DMD: variants seen among roughly 807,000 people sequenced by gnomAD.
DMD encodes the protein dystrophin.
Under a neutral mutation model 330.1 loss-of-function variants are expected in DMD, and 63 were observed. The observed-to-expected ratio is 0.19, with a 90% CI of 0.16 to 0.24. The LOEUF is 0.24. Among genes scored for constraint, DMD ranks in the 10% least tolerant of loss-of-function variants. The pLI is 1.00. For synonymous variants in DMD, 1,223 were observed against 959.8 expected (o/e 1.27, Z -5.07); for missense variants, 3,344 against 2,684.1 (o/e 1.25, Z -5.43).
intron 63 of DMD, among the ~76,000 whole-genome samples, chrX:31,255,644 G>T (rs1448083523): frequency 9.0e-6 from 1 of 110,893 alleles, no homozygotes; most frequent in Non-Finnish European, 1.9e-5. Flanking sequence ...CCACTTGTCT[G>T]CAGAGTTAGC....
At chrX:32,488,387 A>G (rs956729550) in intron 20 of DMD, among the ~76,000 whole-genome samples, 12 of 111,317 alleles carry the variant, frequency 1.1e-4, no homozygotes, top group African/African-American at 3.9e-4. Context: ...AACCCCCACA[A>G]TATTAAAAAC....
At chrX:32,201,487 A>C in intron 44 of DMD, among the ~76,000 whole-genome samples, 3 of 80,144 alleles carry the variant, frequency 3.7e-5, no homozygotes, top group African/African-American at 4.5e-5. Context: ...CCCCCCCAAC[A>C]AGGAGGCCAT....
At chrX:31,961,137 T>A (rs921781482) in intron 45 of DMD, among the ~76,000 whole-genome samples, 1 of 112,130 alleles carries the variant, frequency 8.9e-6, no homozygotes, top group East Asian at 2.8e-4. Context: ...CTAAATAAAT[T>A]GAAGTTACTT....
chrX:32,827,200 G>T (rs1264369343), intron 4 of DMD, among the ~76,000 whole-genome samples: 3 of 109,618 alleles, frequency 2.7e-5, no homozygotes, highest in African/African-American at 1.0e-4. Context: ...AGCCCAAGGG[G>T]TAAGAAAAAG....
At chrX:32,715,469 CAAAAAAAAAAA>C (rs61325834) in intron 7 of DMD, among the ~76,000 whole-genome samples, 134 of 17,226 alleles carry the variant, frequency 7.8e-3, no homozygotes, top group Non-Finnish European at 0.013. Context: ...GAGATTCCAT[CAAAAAAAAAAA>C]AAAAAAAAAA....
intron 60 of DMD, among the ~76,000 whole-genome samples, chrX:31,376,088 C>T (rs1023935392): frequency 1.8e-5 from 2 of 111,908 alleles, no homozygotes; most frequent in East Asian, 2.8e-4. Context: ...CTAATCTCCA[C>T]ACATCTCTTT....
intron 44 of DMD, among the ~76,000 whole-genome samples, chrX:32,036,852 AT>A (rs1173101234): frequency 3.6e-5 from 4 of 111,608 alleles, no homozygotes; most frequent in African/African-American, 6.5e-5. Flanking sequence ...GTAGAGTCAT[AT>A]AAGCAAGGAA....
chrX:33,113,132 C>T (rs182606678), intron 1 of DMD, among the ~76,000 whole-genome samples: 1 of 103,142 alleles, frequency 9.7e-6, no homozygotes, highest in African/African-American at 3.6e-5. Flanking sequence ...CGGCTCACTG[C>T]GACCTCTGCC....
chrX:32,540,216 G>C (rs959321166), intron 17 of DMD, among the ~76,000 whole-genome samples: 11 of 110,959 alleles, frequency 9.9e-5, no homozygotes, highest in African/African-American at 3.6e-4. Context: ...AATTACCTAC[G>C]TGTACAATAA....
At chrX:32,836,295 G>C (rs1388119987) in intron 4 of DMD, among the ~76,000 whole-genome samples, 1 of 110,299 alleles carries the variant, frequency 9.1e-6, no homozygotes. Context: ...GCCTCCCAAA[G>C]TGCTGGGATT....
chrX:32,863,004 TGA>T (rs1252138365), intron 2 of DMD, among the ~76,000 whole-genome samples: 1 of 110,809 alleles, frequency 9.0e-6, no homozygotes, highest in Non-Finnish European at 1.9e-5. Flanking sequence ...CCCAAAGTGC[TGA>T]GATTTACAGG....
rs147685990 is a variant in DMD, at chrX:31,955,619, A to G, written c.6614+12720T>C. Among the ~76,000 whole-genome samples the G allele has an allele frequency of 2.6e-3, 297 of 112,526 alleles. 2 individuals carry two copies. The highest frequency in any genetic ancestry group is 9.2e-3 in the African/African-American group (285 of 31,009). ...ATATTGCGACAATTAAGTGGGAAAC[A>G]TTTGTAAAACTCTTATCAAAGTCCT... On this transcript the variant is annotated intron_variant, in intron 45 of 78. Transcript: ENST00000357033.
rs568128657 is a variant in DMD, at chrX:32,747,201, G to A, written c.650-47908C>T. 1.2e-3 allele frequency among the ~76,000 whole-genome samples: 136 copies of A among 112,204 alleles called. 1 individual carries two copies. Among genetic ancestry groups the A allele is most frequent in the African/African-American group, 4.2e-3 (129 of 30,940 alleles). ...TCAAGTTTGAGAACCTCTAATTTGCGCAACAATTTTCAAATGGATTTTTTA... is the reference window on the plus strand; with the variant it reads ...TCAAGTTTGAGAACCTCTAATTTGCACAACAATTTTCAAATGGATTTTTTA... On this transcript the variant is annotated intron_variant, in intron 7 of 78. Transcript: ENST00000357033.
chrX:32,336,264 C>T (rs1351365621), intron 41 of DMD, among the ~76,000 whole-genome samples: 1 of 111,059 alleles, frequency 9.0e-6, no homozygotes, highest in Non-Finnish European at 1.9e-5. Context: ...GATCCGCCCA[C>T]CTCGGCCTCA....
intron 44 of DMD, among the ~76,000 whole-genome samples, chrX:32,125,769 G>C (rs1407651346): frequency 9.1e-6 from 1 of 109,905 alleles, no homozygotes; most frequent in African/African-American, 3.3e-5. Context: ...TAGATGAAGA[G>C]AACTGAAGTC....
chrX:32,351,511 T>G (rs1385710092), intron 37 of DMD, among the ~76,000 whole-genome samples: 1 of 108,824 alleles, frequency 9.2e-6, no homozygotes, highest in Non-Finnish European at 1.9e-5. Flanking sequence ...TAATCAGGAA[T>G]TATTTGGAGA....
intron 37 of DMD, among the ~76,000 whole-genome samples, chrX:32,356,975 C>A (rs1305025436): frequency 9.0e-6 from 1 of 111,079 alleles, no homozygotes; most frequent in African/African-American, 3.3e-5. Context: ...CTGCAACCTC[C>A]GCCTCCCGGG....
intron 54 of DMD, among the ~76,000 whole-genome samples, chrX:31,634,653 A>AT: frequency 9.0e-6 from 1 of 111,535 alleles, no homozygotes; most frequent in East Asian, 2.8e-4. Context: ...TTCATCTCTC[A>AT]TTTTTTTAAC....
intron 7 of DMD, among the ~76,000 whole-genome samples, chrX:32,807,421 T>C (rs775967788): frequency 1.4e-3 from 161 of 111,516 alleles, no homozygotes; most frequent in African/African-American, 4.8e-3. Flanking sequence ...TGAGATTTTA[T>C]TGGGAAAACG....
Sources: gnomAD v4.1 joint callset for allele counts (sites outside exome capture counted in the v4.1 genomes callset) on GRCh38, gnomAD v4.1.1 for gene constraint, MANE v1.5 for transcripts, NCBI Gene and HGNC (gene_info 2026-07-23, HGNC 2026-07-21) for gene names.